Variants in GRID1 observed in about 807,000 individuals in gnomAD.
GRID1 encodes the protein glutamate receptor ionotropic, delta-1.
GRID1 carries 28 observed loss-of-function variants against 98.0 expected under a neutral mutation model. That is an observed-to-expected ratio of 0.29 (90% CI 0.21 to 0.39). The LOEUF (loss-of-function observed/expected upper bound fraction) is 0.39. GRID1 is among the 10% of genes least tolerant of loss of function. The pLI is 1.00. For missense variants in GRID1, 1,111 were observed against 1,340.5 expected (o/e 0.83, Z 2.67); for synonymous variants, 553 against 538.5 (o/e 1.03, Z -0.37).
intron 3 of GRID1, among the ~76,000 whole-genome samples, chr10:86,154,114 A>C (rs1845209813): frequency 6.6e-6 from 1 of 152,110 alleles, no homozygotes; most frequent in Admixed American, 6.5e-5. Flanking sequence ...GATCAATGCC[A>C]GTGGGGTGGG....
chr10:86,351,792 G>A (rs1239325499), intron 2 of GRID1, among the ~76,000 whole-genome samples: 1 of 152,188 alleles, frequency 6.6e-6, no homozygotes, highest in Non-Finnish European at 1.5e-5. Context: ...CTGGCCAGGT[G>A]ACATCATGAG....
intron 13 of GRID1, among the ~76,000 whole-genome samples, chr10:85,632,603 C>G (rs58786230): frequency 2.0e-5 from 3 of 152,162 alleles, no homozygotes; most frequent in Non-Finnish European, 4.4e-5. Context: ...GAGTCTTGCT[C>G]TGCTGCCCAG....
At chr10:86,249,913 GGT>G (rs1229617750) in intron 2 of GRID1, among the ~76,000 whole-genome samples, 1 of 152,170 alleles carries the variant, frequency 6.6e-6, no homozygotes, top group African/African-American at 2.4e-5. Context: ...ATGGATGGTG[GGT>G]AGATGAATGG....
At chr10:86,359,139 T>G (rs978038154) in intron 2 of GRID1, among the ~76,000 whole-genome samples, 2 of 152,222 alleles carry the variant, frequency 1.3e-5, no homozygotes, top group Non-Finnish European at 2.9e-5. Context: ...AAAATTTGTT[T>G]CCGCACCACA....
intron 3 of GRID1, among the ~76,000 whole-genome samples, chr10:86,180,048 G>A (rs1845633036): frequency 6.6e-6 from 1 of 152,164 alleles, no homozygotes; most frequent in Non-Finnish European, 1.5e-5. Context: ...TATGGCAGAA[G>A]CCAAGTCAAG....
At chr10:85,869,480 A>G (rs1843255608) in intron 5 of GRID1, among the ~76,000 whole-genome samples, 1 of 152,216 alleles carries the variant, frequency 6.6e-6, no homozygotes, top group Non-Finnish European at 1.5e-5. Flanking sequence ...ATAAAAGGTC[A>G]TGGTAGACAT....
intron 12 of GRID1, among the ~76,000 whole-genome samples, chr10:85,722,646 A>G (rs921730345): frequency 3.9e-5 from 6 of 152,206 alleles, no homozygotes; most frequent in Non-Finnish European, 8.8e-5. Context: ...AAAAGCATAT[A>G]TTAGACTTCT....
At chr10:86,151,895 C>T (rs185780765) in intron 3 of GRID1, among the ~76,000 whole-genome samples, 2 of 152,338 alleles carry the variant, frequency 1.3e-5, no homozygotes, top group Admixed American at 1.3e-4. Flanking sequence ...GATGGGACTG[C>T]CCCACACTAT....
intron 4 of GRID1, among the ~76,000 whole-genome samples, chr10:85,995,416 A>G (rs960867751): frequency 1.3e-5 from 2 of 151,944 alleles, no homozygotes; most frequent in African/African-American, 2.4e-5. Context: ...AGAGTTTCGG[A>G]CCCCCACTCA....
At chr10:85,745,721 A>G (rs1052576991) in intron 8 of GRID1, among the ~76,000 whole-genome samples, 1 of 138,734 alleles carries the variant, frequency 7.2e-6, no homozygotes, top group African/African-American at 2.8e-5. Context: ...TTAAAGTATA[A>G]TTAAAAAAAA....
intron 5 of GRID1, among the ~76,000 whole-genome samples, chr10:85,876,276 G>A (rs928217303): frequency 1.3e-5 from 2 of 151,928 alleles, no homozygotes; most frequent in African/African-American, 4.8e-5. Context: ...TGGAGACCCT[G>A]GGGGAGACAT....
At chr10:85,680,136 C>T (rs1022640273) in intron 12 of GRID1, among the ~76,000 whole-genome samples, 6 of 152,148 alleles carry the variant, frequency 3.9e-5, no homozygotes, top group Non-Finnish European at 8.8e-5. Context: ...AACATGAGTA[C>T]AGAATAAGTG....
intron 12 of GRID1, among the ~76,000 whole-genome samples, chr10:85,673,430 C>T (rs1209879975): frequency 6.6e-6 from 1 of 152,174 alleles, no homozygotes; most frequent in African/African-American, 2.4e-5. Context: ...ACATCACATG[C>T]TACAGAGAAT....
chr10:85,765,096 A>C (rs1357377283), intron 8 of GRID1, among the ~76,000 whole-genome samples: 1 of 152,196 alleles, frequency 6.6e-6, no homozygotes, highest in Non-Finnish European at 1.5e-5. Flanking sequence ...TCCTCAAAAC[A>C]ACCCCATAAT....
At chr10:85,833,465 A>G (rs981580159) in intron 8 of GRID1, among the ~76,000 whole-genome samples, 3 of 152,064 alleles carry the variant, frequency 2.0e-5, no homozygotes, top group Admixed American at 1.3e-4. Context: ...CACTGAAAGC[A>G]CAGCAGATAA....
In GRID1 at chr10:85,662,576, G is replaced by A. The variant is rs916492878; in HGVS notation, c.1998-15179C>T. On this transcript the variant is annotated intron_variant, in intron 12 of 15. Transcript: ENST00000327946. ...CCCACCCACAAGGCCAATGCCAACC[G>A]GAGAGAGGCTCCCTTCTCCTTCCAA... Among the ~76,000 whole-genome samples the A allele has an allele frequency of 3.9e-5, 6 of 152,268 alleles. No individual in the cohort carries two copies. The East Asian group carries it at 5.8e-4, about 15-fold the overall frequency.
intron 12 of GRID1, among the ~76,000 whole-genome samples, chr10:85,697,253 A>ATTAGATTTGACTATATTAGATT (rs1402328743): frequency 1.3e-5 from 2 of 151,922 alleles, no homozygotes; most frequent in African/African-American, 4.8e-5. Flanking sequence ...TTTTCTACTT[A>ATTAGATTTGACTATATTAGATT]TTCCACTAGA....
intron 4 of GRID1, among the ~76,000 whole-genome samples, chr10:86,020,318 G>C (rs1465742571): frequency 6.6e-6 from 1 of 152,218 alleles, no homozygotes; most frequent in African/African-American, 2.4e-5. Flanking sequence ...AGCAGAGCCG[G>C]CTGCCTAGAT....
Position 85,795,532 on chromosome 10 carries a change from AT to A in GRID1, c.1233+58963del, listed in dbSNP as rs1009773897. On this transcript the variant is annotated intron_variant, in intron 8 of 15. Coordinates refer to ENST00000327946, the MANE Select transcript of GRID1 (RefSeq NM_017551.3). ...ATGCACTTGAATACAAGGCATTTTT[AT>A]TTTTCATTTATCATCTATACACATC... 3.9e-4 allele frequency among the ~76,000 whole-genome samples: 60 copies of A among 152,306 alleles called. 1 individual carries two copies. The highest frequency in any genetic ancestry group is 1.4e-3 in the African/African-American group (59 of 41,564).
Sources: allele counts gnomAD v4.1 joint callset (sites outside exome capture counted in the v4.1 genomes callset), GRCh38; gene constraint gnomAD v4.1.1; transcripts MANE v1.5; gene names NCBI Gene and HGNC (gene_info 2026-07-23, HGNC 2026-07-21).